KCNK12: variants seen among roughly 807,000 people sequenced by gnomAD.
The protein encoded by KCNK12 is potassium channel subfamily K member 12.
In KCNK12, 6 loss-of-function variants were observed where a neutral mutation model predicts 25.3. The ratio of observed to expected loss-of-function variants is 0.24; its 90% CI spans 0.13 to 0.47. The LOEUF (loss-of-function observed/expected upper bound fraction) is 0.47. Among genes scored for constraint, KCNK12 ranks in the 20% least tolerant of loss-of-function variants. KCNK12 has a pLI of 0.99. For missense variants in KCNK12, 444 were observed against 661.7 expected (o/e 0.67, Z 3.61); for synonymous variants, 331 against 311.1 (o/e 1.06, Z -0.67).
At chr2:47,534,031 GACA>G (rs1668995774) in intron 1 of KCNK12, among the ~76,000 whole-genome samples, 1 of 152,086 alleles carries the variant, frequency 6.6e-6, no homozygotes, top group East Asian at 1.9e-4. Flanking sequence ...TTCATTTGAT[GACA>G]ACAAGATGGG....
intron 1 of KCNK12, among the ~76,000 whole-genome samples, chr2:47,567,465 T>C (rs12104511): frequency 1.3e-5 from 2 of 152,206 alleles, no homozygotes; most frequent in African/African-American, 4.8e-5. Context: ...CCTGTGGAGA[T>C]CTTTACTTAA....
At chr2:47,563,656 G>A (rs1248346682) in intron 1 of KCNK12, 2 of 233,062 alleles carry the variant, frequency 8.6e-6, no homozygotes, top group Non-Finnish European at 1.7e-5. Flanking sequence ...AAGGCCCACT[G>A]GTCCGGACTC....
rs1473129433 is a variant in KCNK12, at chr2:47,511,350, C to T, written c.*9557G>A. On this transcript the variant is annotated 3_prime_UTR_variant, in exon 2 of 2. Coordinates refer to ENST00000327876, the MANE Select transcript of KCNK12 (RefSeq NM_022055.2). The surrounding 1 kb of genome is among the most constrained non-coding windows in gnomAD (Gnocchi z 4.3). ...GAGGTTTTGCTTTGTGTCTTAATTA[C>T]AGCCATTTGTGGAATTAGGCTTTTA... Among the ~76,000 whole-genome samples, 2 of 152,210 alleles carry T rather than the reference C, an allele frequency of 1.3e-5. No individual in the cohort carries two copies. Among genetic ancestry groups the T allele is most frequent in the African/African-American group, 4.8e-5 (2 of 41,452 alleles).
Position 47,520,643 on chromosome 2 carries a change from G to C in KCNK12, c.*264C>G. On this transcript the variant is annotated 3_prime_UTR_variant, in exon 2 of 2. Coordinates refer to ENST00000327876, the MANE Select transcript of KCNK12 (RefSeq NM_022055.2). This position sits in a 1 kb window ranked among gnomAD's most constrained non-coding sequence, Gnocchi z 5.0. The stretch of plus-strand genomic sequence containing the variant: ...TGCGGTATGCCCTGGGTGTGGGCCT[G>C]GGGGGCCACGTTTTCTCTCCCTGAA... The C allele has an allele frequency of 2.8e-6, 1 of 352,910 alleles. No individual in the cohort carries two copies. The allele number at this position is 352,910 out of a possible 1,614,324, so 21.9% of individuals were successfully genotyped here. A position where few individuals can be genotyped will look rare whatever the true frequency, so the allele number is the denominator to read the frequency against.
At position 47,513,734 on chromosome 2, in the gene KCNK12, G is replaced by A. The variant is rs1263858241; in HGVS notation, c.*7173C>T. 6.6e-6 allele frequency among the ~76,000 whole-genome samples: 1 copy of A among 152,040 alleles called. No homozygotes were observed. The highest frequency in any genetic ancestry group is 2.4e-5 in the African/African-American group (1 of 41,394). Reference sequence around the variant, plus strand: ...TCCTGGGTTCCCAGGCTCAGTGGTGGCACCACTGTCTACCTGGCTGCTTAG... The same window carrying A: ...TCCTGGGTTCCCAGGCTCAGTGGTGACACCACTGTCTACCTGGCTGCTTAG... On this transcript the variant is annotated 3_prime_UTR_variant, in exon 2 of 2. Coordinates refer to ENST00000327876, the MANE Select transcript of KCNK12 (RefSeq NM_022055.2).
chr2:47,554,812 A>G (rs1385180617), intron 1 of KCNK12, among the ~76,000 whole-genome samples: 1 of 152,260 alleles, frequency 6.6e-6, no homozygotes, highest in Non-Finnish European at 1.5e-5. Flanking sequence ...TTGCCCCAGC[A>G]AGAAATGATG....
rs944159785 is a variant in KCNK12 at position 47,511,810 on chromosome 2, C to T, written c.*9097G>A. ...TGCGTTGTAGACTTTTCTGCAGTGA[C>T]AGAAATGTTCTATATCTGTGCTATC... On this transcript the variant is annotated 3_prime_UTR_variant, in exon 2 of 2. Coordinates refer to ENST00000327876, the MANE Select transcript of KCNK12 (RefSeq NM_022055.2). This position sits in a 1 kb window ranked among gnomAD's most constrained non-coding sequence, Gnocchi z 4.3. Among the ~76,000 whole-genome samples, 1 of 152,200 alleles carries T rather than the reference C, an allele frequency of 6.6e-6. No individual in the cohort carries two copies.
Position 47,565,765 on chromosome 2 carries a change from A to T in KCNK12, c.391+4176T>A, listed in dbSNP as rs1029869053. 3.3e-5 allele frequency: 5 copies of T among 152,244 alleles called. No homozygotes were observed. The highest frequency in any genetic ancestry group is 9.6e-5 in the African/African-American group (4 of 41,464). The allele number at this position is 152,244 out of a possible 1,614,324, so 9.4% of individuals were successfully genotyped here. A position where few individuals can be genotyped will look rare whatever the true frequency, so the allele number is the denominator to read the frequency against. On this transcript the variant is annotated intron_variant, in intron 1 of 1. Transcript: ENST00000327876. The surrounding 1 kb of genome is among the most constrained non-coding windows in gnomAD (Gnocchi z 5.0). ...TAATTCTGTTTGGATTGTTTGGAAT[A>T]TCTCTGAGCTGGAATACTGTCTTCA...
rs191445888 is a variant in KCNK12, at chr2:47,515,348, C to T, written c.*5559G>A. Among the ~76,000 whole-genome samples the T allele has an allele frequency of 3.9e-5, 6 of 152,326 alleles. No homozygotes were observed. The highest frequency in any genetic ancestry group is 2.1e-4 in the South Asian group (1 of 4,826). On this transcript the variant is annotated 3_prime_UTR_variant, in exon 2 of 2. Coordinates refer to ENST00000327876, the MANE Select transcript of KCNK12 (RefSeq NM_022055.2). ...CCAGCATTAACCTATTTATGCCTAG[C>T]GTTCCCTTATTGGAACACTAAGTCT...
rs1028597333 is a variant in KCNK12 at position 47,528,179 on chromosome 2, TGAAG to T, written c.392-6375_392-6372del. ...GCTGTGTAACACCATCTGCCCAGAA[TGAAG>T]GGACAGGTGAGGCAGAAGGGTCTCC... On this transcript the variant is annotated intron_variant, in intron 1 of 1. Coordinates refer to ENST00000327876, the MANE Select transcript of KCNK12 (RefSeq NM_022055.2). The surrounding 1 kb of genome is among the most constrained non-coding windows in gnomAD (Gnocchi z 4.5). 2 of 152,300 alleles carry T rather than the reference TGAAG, an allele frequency of 1.3e-5. No homozygotes were observed. Among genetic ancestry groups the T allele is most frequent in the Admixed American group, 1.3e-4 (2 of 15,278 alleles). The allele number at this position is 152,300 out of a possible 1,614,324, so 9.4% of individuals were successfully genotyped here.
Position 47,516,381 on chromosome 2 carries a change from C to G in KCNK12, c.*4526G>C, listed in dbSNP as rs992560584. On this transcript the variant is annotated 3_prime_UTR_variant, in exon 2 of 2. Coordinates refer to ENST00000327876, the MANE Select transcript of KCNK12 (RefSeq NM_022055.2). ...TCCCAGTCCCCCAGCCTTGGCTCAG[C>G]CTGGCCAAGCTGCCCAGGAGGTCCC... Among the ~76,000 whole-genome samples, 1 of 152,202 alleles carries G rather than the reference C, an allele frequency of 6.6e-6. No individual in the cohort carries two copies. Among genetic ancestry groups the G allele is most frequent in the African/African-American group, 2.4e-5 (1 of 41,448 alleles).
chr2:47,539,326 G>A (rs954242612), intron 1 of KCNK12, among the ~76,000 whole-genome samples: 1 of 152,214 alleles, frequency 6.6e-6, no homozygotes, highest in Admixed American at 6.5e-5. Context: ...TTTGTTCATA[G>A]TGTTTATATG....
rs1411301093 is a variant in KCNK12, at chr2:47,509,346, G to C, written c.*11561C>G. On this transcript the variant is annotated 3_prime_UTR_variant, in exon 2 of 2. Coordinates refer to ENST00000327876, the MANE Select transcript of KCNK12 (RefSeq NM_022055.2). ...AACAGGAAACCTGATTCAGGCCAGG[G>C]TCTTGGAAGGTTGTTCAGGATGAGA... Among the ~76,000 whole-genome samples, 1 of 152,242 alleles carries C rather than the reference G, an allele frequency of 6.6e-6. No homozygotes were observed. Among genetic ancestry groups the C allele is most frequent in the Non-Finnish European group, 1.5e-5 (1 of 68,044 alleles).
rs1302355766 is a variant in KCNK12 at position 47,516,275 on chromosome 2, C to A, written c.*4632G>T. On this transcript the variant is annotated 3_prime_UTR_variant, in exon 2 of 2. Transcript: ENST00000327876. ...TGCTCCTTAGACCAATGAAATCAGA[C>A]TCCTGGGAGTACGGCCCGGGCCTCG... is the stretch of plus-strand genomic sequence containing the variant. Among the ~76,000 whole-genome samples the A allele has an allele frequency of 6.6e-6, 1 of 152,238 alleles. No individual in the cohort carries two copies. Among genetic ancestry groups the A allele is most frequent in the African/African-American group, 2.4e-5 (1 of 41,462 alleles).
chr2:47,526,055 G>A (rs565831550), intron 1 of KCNK12, among the ~76,000 whole-genome samples: 10 of 152,218 alleles, frequency 6.6e-5, no homozygotes, highest in African/African-American at 2.4e-4. Context: ...AAACAACTGA[G>A]AACGAGTCTC....
At chr2:47,546,041 G>A (rs1669306193) in intron 1 of KCNK12, among the ~76,000 whole-genome samples, 1 of 152,122 alleles carries the variant, frequency 6.6e-6, no homozygotes, top group African/African-American at 2.4e-5. Flanking sequence ...TATGGACAGG[G>A]AAAAGCTGTA....
At position 47,547,451 on chromosome 2, in the gene KCNK12, C is replaced by T. The variant is rs1189288182; in HGVS notation, c.391+22490G>A. ...CTCTCCTAGGTGATCTTTTCTTTTT[C>T]TTTTTGCGTCTGGGTCTGGCTCTAT... On this transcript the variant is annotated intron_variant, in intron 1 of 1. Coordinates refer to ENST00000327876, the MANE Select transcript of KCNK12 (RefSeq NM_022055.2). The surrounding 1 kb of genome is among the most constrained non-coding windows in gnomAD (Gnocchi z 5.0). Among the ~76,000 whole-genome samples, 1 of 152,128 alleles carries T rather than the reference C, an allele frequency of 6.6e-6. No individual in the cohort carries two copies. Among genetic ancestry groups the T allele is most frequent in the East Asian group, 1.9e-4 (1 of 5,196 alleles).
Position 47,533,935 on chromosome 2 carries a change from A to T in KCNK12, c.392-12127T>A, listed in dbSNP as rs972966758. On this transcript the variant is annotated intron_variant, in intron 1 of 1. Coordinates refer to ENST00000327876, the MANE Select transcript of KCNK12 (RefSeq NM_022055.2). The surrounding 1 kb of genome is among the most constrained non-coding windows in gnomAD (Gnocchi z 4.7). ...GCAGTGATCCGGACAGAGAGGCTCC[A>T]GTCAGCCAGGCACAGAGAAAATGGC... Among the ~76,000 whole-genome samples the T allele has an allele frequency of 1.3e-5, 2 of 151,916 alleles. No individual in the cohort carries two copies. The highest frequency in any genetic ancestry group is 2.4e-5 in the African/African-American group (1 of 41,312).
chr2:47,564,378 G>C (rs949673263), intron 1 of KCNK12: 1 of 227,220 alleles, frequency 4.4e-6, no homozygotes, highest in Non-Finnish European at 8.7e-6. Context: ...AGAAAGAAAA[G>C]GCCATCTTGC....
Sources: gnomAD v4.1 joint callset for allele counts (sites outside exome capture counted in the v4.1 genomes callset) on GRCh38, gnomAD v4.1.1 for gene constraint, Gnocchi (gnomAD v3.1) non-coding constraint, MANE v1.5 for transcripts, NCBI Gene and HGNC (gene_info 2026-07-23, HGNC 2026-07-21) for gene names.